KCNQ3: variants seen among roughly 807,000 people sequenced by gnomAD.
KCNQ3 encodes the protein potassium voltage-gated channel subfamily Q member 3.
KCNQ3 carries 30 observed loss-of-function variants against 92.5 expected under a neutral mutation model. The ratio of observed to expected loss-of-function variants is 0.32; its 90% CI spans 0.24 to 0.44. The LOEUF (loss-of-function observed/expected upper bound fraction) is 0.44, where lower values mean the gene tolerates loss of function less well. Ranked by LOEUF, KCNQ3 falls within the 20% of genes least tolerant of loss-of-function variation. The pLI is 1.00. For synonymous variants in KCNQ3, 450 were observed against 468.8 expected (o/e 0.96, Z 0.52); for missense variants, 913 against 1,140.3 (o/e 0.80, Z 2.87).
rs370216494 is a variant in KCNQ3, at chr8:132,257,711, T to C, written c.387-71530A>G. Among the ~76,000 whole-genome samples the C allele has an allele frequency of 5.4e-3, 677 of 125,162 alleles. 6 individuals carry two copies. The highest frequency in any genetic ancestry group is 0.021 in the African/African-American group (656 of 31,546). The allele number at this position is 125,162 out of a possible 152,430, so 82.1% of individuals were successfully genotyped here. ...GCAGTGAGCTGAGAGCATGCCACTGTCCTCCAGCCTGGTGATAGAGTGAGA... is the reference window on the plus strand; with the variant it reads ...GCAGTGAGCTGAGAGCATGCCACTGCCCTCCAGCCTGGTGATAGAGTGAGA... On this transcript the variant is annotated intron_variant, in intron 1 of 14. Coordinates refer to ENST00000388996, the MANE Select transcript of KCNQ3 (RefSeq NM_004519.4).
intron 1 of KCNQ3, among the ~76,000 whole-genome samples, chr8:132,287,967 C>A (rs1400771429): frequency 6.6e-6 from 1 of 152,132 alleles, no homozygotes; most frequent in Non-Finnish European, 1.5e-5. Flanking sequence ...AAAAAATTGA[C>A]AAAGTCATAT....
At chr8:132,133,085 GT>G (rs1172006230) in intron 13 of KCNQ3, among the ~76,000 whole-genome samples, 1 of 152,134 alleles carries the variant, frequency 6.6e-6, no homozygotes, top group Non-Finnish European at 1.5e-5. Context: ...CCTGCACGGG[GT>G]TTTAAAACAT....
At chr8:132,179,880 A>G (rs1040126234) in intron 4 of KCNQ3, among the ~76,000 whole-genome samples, 3 of 152,180 alleles carry the variant, frequency 2.0e-5, no homozygotes, top group Non-Finnish European at 1.5e-5. Context: ...ACTGAGGGCC[A>G]AAGAGGGCTG....
Position 132,480,605 on chromosome 8 carries a change from A to G in KCNQ3, c.-73T>C. Reference sequence around the variant, plus strand: ...GAAGAAGGGGCGCTCGGGGTGCGTGAACGAGGCGGCGGCGGCGGCTGCAAG... The same window carrying G: ...GAAGAAGGGGCGCTCGGGGTGCGTGGACGAGGCGGCGGCGGCGGCTGCAAG... On this transcript the variant is annotated 5_prime_UTR_variant, in exon 1 of 15. Coordinates refer to ENST00000388996, the MANE Select transcript of KCNQ3 (RefSeq NM_004519.4). 8.2e-7 allele frequency: 1 copy of G among 1,215,798 alleles called. No homozygotes were observed. The highest frequency in any genetic ancestry group is 1.6e-5 in the South Asian group (1 of 62,062). The allele number at this position is 1,215,798 out of a possible 1,614,324, so 75.3% of individuals were successfully genotyped here.
chr8:132,454,068 C>T (rs1479181485), intron 1 of KCNQ3, among the ~76,000 whole-genome samples: 1 of 152,242 alleles, frequency 6.6e-6, no homozygotes, highest in Non-Finnish European at 1.5e-5. Context: ...GAAAACATTT[C>T]ACGCGTGGCT....
At chr8:132,202,205 A>G (rs771926542) in intron 1 of KCNQ3, among the ~76,000 whole-genome samples, 2 of 152,080 alleles carry the variant, frequency 1.3e-5, no homozygotes, top group Non-Finnish European at 2.9e-5. Flanking sequence ...TCTGGAAAAG[A>G]GAGGCACCCA....
intron 1 of KCNQ3, among the ~76,000 whole-genome samples, chr8:132,263,277 C>G (rs567346391): frequency 2.8e-4 from 42 of 152,328 alleles, no homozygotes; most frequent in African/African-American, 9.4e-4. Flanking sequence ...AGGCAGTGAT[C>G]TCAGACTCTA....
chr8:132,287,732 A>AAAC (rs1816718216), intron 1 of KCNQ3, among the ~76,000 whole-genome samples: 1 of 152,208 alleles, frequency 6.6e-6, no homozygotes, highest in South Asian at 2.1e-4. Flanking sequence ...AAATATCTGG[A>AAAC]ATAGAAAAAT....
chr8:132,347,437 C>T (rs375649563), intron 1 of KCNQ3, among the ~76,000 whole-genome samples: 3 of 152,102 alleles, frequency 2.0e-5, no homozygotes, highest in East Asian at 1.9e-4. Context: ...GTGAACAACA[C>T]GGTTGTGTTC....
chr8:132,288,583 T>A (rs1413006525), intron 1 of KCNQ3, among the ~76,000 whole-genome samples: 1 of 152,196 alleles, frequency 6.6e-6, no homozygotes, highest in Non-Finnish European at 1.5e-5. Flanking sequence ...GAGACTGTCA[T>A]ATTTCTCTAT....
chr8:132,218,391 T>C (rs7828551), intron 1 of KCNQ3, among the ~76,000 whole-genome samples: 10,659 of 152,260 alleles, frequency 0.07, 494 homozygotes, highest in African/African-American at 0.12. Context: ...TACATTTTGG[T>C]TGAATGAATA....
chr8:132,230,975 C>CA (rs1292579951), intron 1 of KCNQ3, among the ~76,000 whole-genome samples: 15 of 152,098 alleles, frequency 9.9e-5, no homozygotes, highest in African/African-American at 3.6e-4. Flanking sequence ...ATGATGGGCC[C>CA]AAATCTGATA....
intron 1 of KCNQ3, among the ~76,000 whole-genome samples, chr8:132,371,022 C>T (rs987424086): frequency 2.0e-5 from 3 of 152,166 alleles, no homozygotes; most frequent in African/African-American, 7.2e-5. Context: ...CTGTGCACTC[C>T]CCATTTTGCA....
chr8:132,125,235 C>T lies in KCNQ3; in HGVS notation c.*4027G>A, dbSNP rs529880251. The T allele has an allele frequency of 3.3e-5, 5 of 152,308 alleles. No homozygotes were observed. Among genetic ancestry groups the T allele is most frequent in the East Asian group, 3.9e-4 (2 of 5,184 alleles). 9.4% of individuals were successfully genotyped at this position (152,308 alleles called of 1,614,324 possible). A position where few individuals can be genotyped will look rare whatever the true frequency, so the allele number is the denominator to read the frequency against. On this transcript the variant is annotated 3_prime_UTR_variant, in exon 15 of 15. Transcript: ENST00000388996. ...TCCAAACTCGAAGTCCCCATTCAAC[C>T]CACTCAGCCTTGACTGGGCTGATTG...
intron 1 of KCNQ3, chr8:132,187,110 C>T (rs1306982683): frequency 2.2e-6 from 1 of 451,066 alleles, no homozygotes; most frequent in African/African-American, 2.0e-5. Context: ...AATTTATAAG[C>T]TAGGGTTTAT....
intron 8 of KCNQ3, among the ~76,000 whole-genome samples, chr8:132,168,311 T>TG (rs1826199569): frequency 6.6e-6 from 1 of 152,232 alleles, no homozygotes; most frequent in South Asian, 2.1e-4. Flanking sequence ...TCCTGAAAAG[T>TG]AGATCTACTG....
intron 7 of KCNQ3, among the ~76,000 whole-genome samples, chr8:132,171,012 C>A (rs543765078): frequency 7.9e-5 from 12 of 151,906 alleles, no homozygotes; most frequent in Admixed American, 4.6e-4. Flanking sequence ...AGTAAAAGAC[C>A]CTGTCTCAAA....
At chr8:132,289,535 T>C (rs922110438) in intron 1 of KCNQ3, among the ~76,000 whole-genome samples, 2 of 152,164 alleles carry the variant, frequency 1.3e-5, no homozygotes, top group African/African-American at 4.8e-5. Flanking sequence ...TTCTCTTCTA[T>C]CTGTGTGTCA....
At chr8:132,206,115 A>G (rs1291029116) in intron 1 of KCNQ3, among the ~76,000 whole-genome samples, 1 of 152,250 alleles carries the variant, frequency 6.6e-6, no homozygotes, top group African/African-American at 2.4e-5. Context: ...GTCCTGCCCC[A>G]TGTCTTTCCA....
Sources: gnomAD v4.1 joint callset for allele counts (sites outside exome capture counted in the v4.1 genomes callset) on GRCh38, gnomAD v4.1.1 for gene constraint, MANE v1.5 for transcripts, NCBI Gene and HGNC (gene_info 2026-07-23, HGNC 2026-07-21) for gene names.